The following CIC variants were observed in gnomAD, a reference collection of about 807,000 sequenced individuals.
The protein encoded by CIC is protein capicua homolog.
CIC carries 18 observed loss-of-function variants against 115.7 expected under a neutral mutation model. The observed-to-expected ratio is 0.16, with a 90% CI of 0.11 to 0.23. The LOEUF is 0.23. Among genes scored for constraint, CIC ranks in the 10% least tolerant of loss-of-function variants. The pLI, the probability that CIC is intolerant of heterozygous loss-of-function variation, is 1.00. For missense variants in CIC, 2,000 were observed against 2,159.3 expected, an observed-to-expected ratio of 0.93 and a Z score of 1.46; for synonymous variants, 1,076 against 923.0, an observed-to-expected ratio of 1.17 and a Z score of -3.01.
Position 42,295,143 on chromosome 19 carries a change from G to GGGGCCCC in CIC, c.7506_7507insGGGCCCC (p.Pro2503GlyfsTer22). ...AGCCTGGCTGGGAGGGGGCTCCCCAGCCCTCCCCCCCACCCCCAGGTCCCT... is the reference window on the plus strand; with the variant it reads ...AGCCTGGCTGGGAGGGGGCTCCCCAGGGGCCCCCCCTCCCCCCCACCCCCAGGTCCCT... On this transcript the variant is annotated frameshift_variant, in exon 21 of 21. Coordinates refer to ENST00000681038, the MANE Select transcript of CIC (RefSeq NM_001386298.1). LOFTEE classifies it high-confidence loss of function. 25 of 1,382,658 alleles carry GGGGCCCC rather than the reference G, an allele frequency of 1.8e-5. No individual in the cohort carries two copies. The highest frequency in any genetic ancestry group is 2.4e-5 in the Non-Finnish European group (25 of 1,037,756). The allele number at this position is 1,382,658 out of a possible 1,614,324, so 85.6% of individuals were successfully genotyped here. A position where few individuals can be genotyped will look rare whatever the true frequency, so the allele number is the denominator to read the frequency against.
Position 42,272,778 on chromosome 19 carries a change from C to T in CIC, c.995C>T (p.Ala332Val), listed in dbSNP as rs1453274867. The T allele has an allele frequency of 2.5e-6, 1 of 398,788 alleles. No homozygotes were observed. Among genetic ancestry groups the T allele is most frequent in the East Asian group, 3.6e-5 (1 of 28,046 alleles). 24.7% of individuals were successfully genotyped at this position (398,788 alleles called of 1,614,324 possible). The change falls in exon 2 of 21, where the codon GCC becomes GTC. Residue 332 changes from alanine to valine, a missense_variant. Transcript: ENST00000681038. ...GAGCCAGAGGAGGCTGTGTGGGTGG[C>T]CCGCTCCAGCCTACGCCTGCTGCGC... The part of the protein sequence containing the change: ...HREPEEAVWV[A>V]RSSLRLLRPP...
intron 8 of CIC, 23 bp from the exon 9 acceptor site, chr19:42,289,158 C>T (rs764785074): frequency 4.6e-5 from 75 of 1,613,106 alleles, no homozygotes; most frequent in Admixed American, 1.5e-4. Flanking sequence ...CCCGCTGAAC[C>T]CTCTCTGCCA....
At position 42,293,563 on chromosome 19, in the gene CIC, C is replaced by T. The variant is rs372865287; in HGVS notation, c.6523-29C>T. 33 of 1,613,430 alleles carry T rather than the reference C, an allele frequency of 2.0e-5. No homozygotes were observed. In the African/African-American group the frequency reaches 3.6e-4, roughly 18 times the overall value. Reference sequence around the variant, plus strand: ...TGCCCCAGAGTCTGAGCTCAGTGTTCGCCATCTCCCTGCCCATCTCCACCC... The same window carrying T: ...TGCCCCAGAGTCTGAGCTCAGTGTTTGCCATCTCCCTGCCCATCTCCACCC... On this transcript the variant is annotated intron_variant, in intron 16 of 20. Coordinates refer to ENST00000681038, the MANE Select transcript of CIC (RefSeq NM_001386298.1).
At position 42,289,173 on chromosome 19, in the gene CIC, T is replaced by C; in HGVS notation, c.3862-8T>C. ...CCCGCTGAACCCTCTCTGCCACCTA[T>C]CCTGCAGATGGTGTCTGGCCCTGCA... On this transcript the variant is annotated splice_region_variant and splice_polypyrimidine_tract_variant and intron_variant, in intron 8 of 20. Transcript: ENST00000681038. 1 of 1,613,270 alleles carries C rather than the reference T, an allele frequency of 6.2e-7. No individual in the cohort carries two copies. The highest frequency in any genetic ancestry group is 8.5e-7 in the Non-Finnish European group (1 of 1,180,002).
intron 2 of CIC, among the ~76,000 whole-genome samples, chr19:42,278,734 C>T (rs2147067540): frequency 6.6e-6 from 1 of 152,358 alleles, no homozygotes; most frequent in South Asian, 2.1e-4. Flanking sequence ...AGTTGCCAAG[C>T]ACCAGGTCTC....
At chr19:42,288,661 G>A (rs1321930225) in intron 7 of CIC, among the ~76,000 whole-genome samples, 1 of 152,140 alleles carries the variant, frequency 6.6e-6, no homozygotes, top group Admixed American at 6.5e-5. Context: ...TTACTTTCAG[G>A]AGGGCTGCCC....
intron 16 of CIC, 141 bp from the exon 17 acceptor site, chr19:42,293,451 C>T (rs78756053): frequency 0.057 from 81,714 of 1,442,446 alleles, 3,085 homozygotes; most frequent in South Asian, 0.15. Flanking sequence ...ATCTGAGGCC[C>T]CTGTCTTGGC....
At position 42,292,818 on chromosome 19, in the gene CIC, C is replaced by G. The variant is rs2038237631; in HGVS notation, c.6155C>G (p.Thr2052Ser). Residue 2052 changes from threonine (T) to serine (S), a missense_variant, in exon 15 of 21, where the codon ACT becomes AGT. Thr to Ser is a moderately conservative substitution (Grantham distance 58, BLOSUM62 1). Transcript: ENST00000681038. Reference sequence around the variant, plus strand: ...CCCAAGGGCCCGCCAGCCCCTGCCACTGCCACCCCAGCCCCGACTAGCCCT... The same window carrying G: ...CCCAAGGGCCCGCCAGCCCCTGCCAGTGCCACCCCAGCCCCGACTAGCCCT... Reference protein sequence around the residue: ...ILPKGPPAPATATPAPTSPFP... With the variant: ...ILPKGPPAPASATPAPTSPFP... 6.2e-7 allele frequency: 1 copy of G among 1,613,714 alleles called. No homozygotes were observed. Among genetic ancestry groups the G allele is most frequent in the African/African-American group, 1.3e-5 (1 of 74,910 alleles).
Position 42,287,138 on chromosome 19 carries a change from T to C in CIC, c.3077T>C (p.Val1026Ala). ...GPGPPHPLGV[V>A]ESGKGPPPTT... is the part of the protein sequence containing the mutation. ...GGACCCCCACACCCTTTGGGGGTGG[T>C]GGAATCTGGTAAGGGTCCGCCTCCC... The change falls in exon 4 of 21, where the codon GTG (valine) becomes GCG (alanine). Residue 1026 changes from valine (V) to alanine (A), a missense_variant. Val to Ala is a moderately conservative substitution (Grantham distance 64). Coordinates refer to ENST00000681038, the MANE Select transcript of CIC (RefSeq NM_001386298.1). This position sits in a 1 kb window ranked among gnomAD's most constrained non-coding sequence, Gnocchi z 8.7. 1 of 1,613,104 alleles carries C rather than the reference T, an allele frequency of 6.2e-7. No individual in the cohort carries two copies.
chr19:42,292,310 G>T lies in CIC; in HGVS notation c.5746G>T (p.Val1916Leu). 6.2e-7 allele frequency: 1 copy of T among 1,613,270 alleles called. No individual in the cohort carries two copies. The highest frequency in any genetic ancestry group is 8.5e-7 in the Non-Finnish European group (1 of 1,180,026). ...CCTCTCCTGCGGCAGAATCACCTATGTGCAGTCAGCGGGCGGGCACGCGCT... is the reference window on the plus strand; with the variant it reads ...CCTCTCCTGCGGCAGAATCACCTATTTGCAGTCAGCGGGCGGGCACGCGCT... ...LLPSSTRITY[V>L]QSAGGHALPL... Residue 1916 changes from valine to leucine, a missense_variant, in exon 14 of 21, where the codon GTG (valine) becomes TTG (leucine). Physicochemically the swap from Val to Leu is conservative, Grantham distance 32 (BLOSUM62 1). Transcript: ENST00000681038.
intron 2 of CIC, among the ~76,000 whole-genome samples, chr19:42,283,178 G>T (rs563338447): frequency 1.3e-5 from 2 of 152,156 alleles, no homozygotes; most frequent in Non-Finnish European, 2.9e-5. Context: ...GTGCTAGGAA[G>T]GCTGTGTGTG....
chr19:42,294,947 C>T lies in CIC; in HGVS notation c.7310C>T (p.Pro2437Leu). The T allele has an allele frequency of 6.2e-7, 1 of 1,600,476 alleles. No homozygotes were observed. The highest frequency in any genetic ancestry group is 2.2e-5 in the East Asian group (1 of 44,862). The change falls in exon 21 of 21, where the codon CCC becomes CTC. Residue 2437 changes from proline to leucine, a missense_variant. This residue lies in a region of CIC where 133 missense variants were observed against 116.0 expected (regional missense o/e 1.15). Coordinates refer to ENST00000681038, the MANE Select transcript of CIC (RefSeq NM_001386298.1). Reference protein sequence around the residue: ...IMQAATPTEQPPGAEAPLPVP... With the variant: ...IMQAATPTEQLPGAEAPLPVP... Reference sequence around the variant, plus strand: ...CAGGCTGCCACTCCCACGGAGCAGCCCCCTGGAGCTGAGGCTCCTCTCCCT... The same window carrying T: ...CAGGCTGCCACTCCCACGGAGCAGCTCCCTGGAGCTGAGGCTCCTCTCCCT...
intron 2 of CIC, among the ~76,000 whole-genome samples, chr19:42,285,692 G>A (rs905201843): frequency 2.0e-5 from 3 of 152,176 alleles, no homozygotes; most frequent in African/African-American, 7.2e-5. Flanking sequence ...CATCTTCCCC[G>A]AGCAGGGGCC....
chr19:42,281,820 T>G (rs1005134022), intron 2 of CIC, among the ~76,000 whole-genome samples: 1 of 152,208 alleles, frequency 6.6e-6, no homozygotes, highest in Non-Finnish European at 1.5e-5. Context: ...CACTGTGTAT[T>G]CTACCAGATG....
rs751972407 is a variant in CIC, at chr19:42,292,125, G to A, written c.5653G>A (p.Gly1885Ser). 92 of 1,613,834 alleles carry A rather than the reference G, an allele frequency of 5.7e-5. No individual in the cohort carries two copies. The highest frequency in any genetic ancestry group is 7.4e-5 in the Non-Finnish European group (87 of 1,180,022). Residue 1885 changes from glycine to serine, a missense_variant, in exon 13 of 21, where the codon GGC becomes AGC. By Grantham distance (56) the Gly-to-Ser change is moderately conservative. Transcript: ENST00000681038. ...LTPVPVSTPS[G>S]LVPPLSPATL... Reference sequence around the variant, plus strand: ...CCCGGTGCCTGTGAGCACACCCAGCGGCCTGGTGCCGCCCCTGAGCCCAGC... The same window carrying A: ...CCCGGTGCCTGTGAGCACACCCAGCAGCCTGGTGCCGCCCCTGAGCCCAGC...
In CIC at chr19:42,295,494, G is replaced by C. The variant is rs2038451214; in HGVS notation, c.*303G>C. On this transcript the variant is annotated 3_prime_UTR_variant, in exon 21 of 21. Transcript: ENST00000681038. ...GCTCCTGTGAGGGCTGCAAGCTGGA[G>C]GGTGGTGCAGGCCTTGGGCCACAGG... 5.5e-6 allele frequency: 2 copies of C among 365,184 alleles called. No homozygotes were observed. Among genetic ancestry groups the C allele is most frequent in the Admixed American group, 4.4e-5 (1 of 22,586 alleles). 22.6% of individuals were successfully genotyped at this position (365,184 alleles called of 1,614,324 possible). A position where few individuals can be genotyped will look rare whatever the true frequency, so the allele number is the denominator to read the frequency against.
rs750830926 is a variant in CIC, at chr19:42,293,767, C to A, written c.6698C>A (p.Ala2233Glu). 3 of 1,612,708 alleles carry A rather than the reference C, an allele frequency of 1.9e-6. No homozygotes were observed. The highest frequency in any genetic ancestry group is 2.5e-6 in the Non-Finnish European group (3 of 1,179,790). ...AAGDTPERKE[A>E]AGTGKKVKVR... ...GGGGACACCCCGGAGCGCAAGGAGG[C>A]GGCTGGTACTGGCAAGAAGGTGAAG... The change falls in exon 17 of 21, where the codon GCG becomes GAG. Residue 2233 changes from alanine (A) to glutamate (E), a missense_variant. Physicochemically the swap from Ala to Glu is moderately radical, Grantham distance 107. Coordinates refer to ENST00000681038, the MANE Select transcript of CIC (RefSeq NM_001386298.1).
At chr19:42,276,958 C>A (rs1026916717) in intron 2 of CIC, among the ~76,000 whole-genome samples, 1 of 152,172 alleles carries the variant, frequency 6.6e-6, no homozygotes, top group Non-Finnish European at 1.5e-5. Flanking sequence ...TTGAGGCCAG[C>A]CAGCCAGTGA....
In CIC at chr19:42,293,652, C is replaced by T. The variant is rs141205881; in HGVS notation, c.6583C>T (p.Arg2195Cys). The change falls in exon 17 of 21, where the codon CGT becomes TGT. Residue 2195 changes from arginine (R) to cysteine (C), a missense_variant. Coordinates refer to ENST00000681038, the MANE Select transcript of CIC (RefSeq NM_001386298.1). ...CGTCCCTGGGCAGGGCCTGGAGAAT[C>T]GTGGGGAGCCTCCCACTCCTCCCAG... ...WRVPGQGLEN[R>C]GEPPTPPSPA... The T allele has an allele frequency of 2.0e-5, 33 of 1,612,948 alleles. No individual in the cohort carries two copies. Among genetic ancestry groups the T allele is most frequent in the African/African-American group, 4.0e-5 (3 of 74,946 alleles).
Sources: allele counts gnomAD v4.1 joint callset (sites outside exome capture counted in the v4.1 genomes callset), GRCh38; gene constraint gnomAD v4.1.1; regional missense constraint gnomAD v4.1.1; non-coding constraint Gnocchi (gnomAD v3.1); transcripts MANE v1.5; gene names NCBI Gene and HGNC (gene_info 2026-07-23, HGNC 2026-07-21).